Variants in ZNF740 observed in about 807,000 individuals in gnomAD.
ZNF740 encodes zinc finger protein 740, also known as oriLyt TD-element-binding protein 7.
A neutral mutation model predicts 24.8 loss-of-function variants in ZNF740; 14 were observed. That is an observed-to-expected ratio of 0.56 (90% CI 0.37 to 0.88). The LOEUF is 0.88. Among genes scored for constraint, ZNF740 ranks in the 40% least tolerant of loss-of-function variants. ZNF740 has a pLI of 0.00. For synonymous variants in ZNF740, 69 were observed against 84.0 expected, an observed-to-expected ratio of 0.82 and a Z score of 0.98; for missense variants, 201 against 247.9, an observed-to-expected ratio of 0.81 and a Z score of 1.27.
chr12:53,192,671 T>C lies in ZNF740; in HGVS notation c.*5081T>C. 6.2e-7 allele frequency: 1 copy of C among 1,609,740 alleles called. No individual in the cohort carries two copies. Among genetic ancestry groups the C allele is most frequent in the Non-Finnish European group, 8.5e-7 (1 of 1,176,996 alleles). ...CCCCACTGTGCCCCTGCTCCCAAGATGCAAGACCTGAGGCCTCACCGGTGT... is the reference window on the plus strand; with the variant it reads ...CCCCACTGTGCCCCTGCTCCCAAGACGCAAGACCTGAGGCCTCACCGGTGT... On this transcript the variant is annotated 3_prime_UTR_variant, in exon 7 of 7. Transcript: ENST00000416904.
In ZNF740 at chr12:53,192,042, A is replaced by G. The variant is rs1224312086; in HGVS notation, c.*4452A>G. ...CCTCTGTGAACAAGAAACCAGACAC[A>G]CTTGTGGGAGCTGGAGCATAGGGAC... On this transcript the variant is annotated 3_prime_UTR_variant, in exon 7 of 7. Coordinates refer to ENST00000416904, the MANE Select transcript of ZNF740 (RefSeq NM_001004304.4). 7 of 1,606,712 alleles carry G rather than the reference A, an allele frequency of 4.4e-6. No individual in the cohort carries two copies.
chr12:53,185,570 T>C (rs1454425132), intron 4 of ZNF740, 94 bp downstream of exon 4: 1 of 1,190,150 alleles, frequency 8.4e-7, no homozygotes, highest in Non-Finnish European at 1.2e-6. Context: ...GAGCTTTCCC[T>C]AGATGCTTTG....
In ZNF740 at chr12:53,187,634, C is replaced by T. The variant is rs760702864; in HGVS notation, c.*44C>T. 2.5e-5 allele frequency: 37 copies of T among 1,494,614 alleles called. No homozygotes were observed. The Admixed American group carries it at 3.8e-4, about 15-fold the overall frequency. 92.6% of individuals were successfully genotyped at this position (1,494,614 alleles called of 1,614,324 possible). A position where few individuals can be genotyped will look rare whatever the true frequency, so the allele number is the denominator to read the frequency against. On this transcript the variant is annotated 3_prime_UTR_variant, in exon 7 of 7. Coordinates refer to ENST00000416904, the MANE Select transcript of ZNF740 (RefSeq NM_001004304.4). Reference sequence around the variant, plus strand: ...GGTGGGAGTGATCAGAAGAACCTGCCGAAGAGCACACCCCCTCTGGTCTGA... The same window carrying T: ...GGTGGGAGTGATCAGAAGAACCTGCTGAAGAGCACACCCCCTCTGGTCTGA...
chr12:53,181,198 C>T (rs1941611950), intron 1 of ZNF740: 12 of 985,326 alleles, frequency 1.2e-5, no homozygotes, highest in Middle Eastern at 5.2e-4. Context: ...GCCTGCCTGT[C>T]CTCCACCTCC....
Position 53,192,602 on chromosome 12 carries a change from T to C in ZNF740, c.*5012T>C. ...TGTCACCCAATGCCCCTTGCCCAAC[T>C]ACAAGCAGGACGGAGAGTAGGCAGA... On this transcript the variant is annotated 3_prime_UTR_variant, in exon 7 of 7. Transcript: ENST00000416904. The C allele has an allele frequency of 6.3e-7, 1 of 1,599,064 alleles. No homozygotes were observed. The highest frequency in any genetic ancestry group is 8.6e-7 in the Non-Finnish European group (1 of 1,168,584).
chr12:53,184,323 G>A (rs925665943), intron 2 of ZNF740, among the ~76,000 whole-genome samples: 6 of 151,924 alleles, frequency 3.9e-5, no homozygotes, highest in Admixed American at 3.9e-4. Context: ...CGAGTAGCTG[G>A]GACCGCAGGT....
At chr12:53,181,010 C>G (rs943655504) in intron 1 of ZNF740, 173 bp downstream of exon 1, 6 of 858,828 alleles carry the variant, frequency 7.0e-6, no homozygotes, top group Non-Finnish European at 8.8e-6. Context: ...CGCACACCGC[C>G]CCCTGCCCGC....
Position 53,191,756 on chromosome 12 carries a change from G to A in ZNF740, c.*4166G>A. 6.5e-7 allele frequency: 1 copy of A among 1,531,556 alleles called. No individual in the cohort carries two copies. Among genetic ancestry groups the A allele is most frequent in the Non-Finnish European group, 9.0e-7 (1 of 1,107,290 alleles). 94.9% of individuals were successfully genotyped at this position (1,531,556 alleles called of 1,614,324 possible). A position where few individuals can be genotyped will look rare whatever the true frequency, so the allele number is the denominator to read the frequency against. On this transcript the variant is annotated 3_prime_UTR_variant, in exon 7 of 7. Transcript: ENST00000416904. ...GCTGATGGAAGTTAGCAGAGGGGTT[G>A]GTTACATGTGCCAGGGGCTGGGGGA...
rs914289468 is a variant in ZNF740, at chr12:53,194,482, C to G, written c.*6892C>G. 4 of 797,326 alleles carry G rather than the reference C, an allele frequency of 5.0e-6. No individual in the cohort carries two copies. The highest frequency in any genetic ancestry group is 8.0e-6 in the Non-Finnish European group (4 of 499,188). 49.4% of individuals were successfully genotyped at this position (797,326 alleles called of 1,614,324 possible). A position where few individuals can be genotyped will look rare whatever the true frequency, so the allele number is the denominator to read the frequency against. ...TGGGGCTCCTTCCATTCTGCCCAGT[C>G]GAGGCATTTCTGGAGGGAGGACCCG... On this transcript the variant is annotated 3_prime_UTR_variant, in exon 7 of 7. Coordinates refer to ENST00000416904, the MANE Select transcript of ZNF740 (RefSeq NM_001004304.4).
chr12:53,183,061 C>T (rs2121528194), intron 2 of ZNF740, among the ~76,000 whole-genome samples: 1 of 152,316 alleles, frequency 6.6e-6, no homozygotes, highest in East Asian at 1.9e-4. Flanking sequence ...AATTGGCTTT[C>T]CTCCAGCTGC....
At position 53,191,629 on chromosome 12, in the gene ZNF740, TTA is replaced by T; in HGVS notation, c.*4040_*4041del. On this transcript the variant is annotated 3_prime_UTR_variant, in exon 7 of 7. Coordinates refer to ENST00000416904, the MANE Select transcript of ZNF740 (RefSeq NM_001004304.4). Reference sequence around the variant, plus strand: ...CGTGATGGCACTTTTGTAGAGAGGATTACTGTCCTGGAGAAAGATGTTGCAGA... The same window carrying T: ...CGTGATGGCACTTTTGTAGAGAGGATCTGTCCTGGAGAAAGATGTTGCAGA... The T allele has an allele frequency of 6.2e-7, 1 of 1,613,144 alleles. No homozygotes were observed. The highest frequency in any genetic ancestry group is 1.1e-5 in the South Asian group (1 of 91,066).
At chr12:53,183,436 C>T (rs527692362) in intron 2 of ZNF740, among the ~76,000 whole-genome samples, 1 of 152,170 alleles carries the variant, frequency 6.6e-6, no homozygotes, top group South Asian at 2.1e-4. Context: ...TACTGATCAT[C>T]TAAAAGGAAT....
At position 53,194,474 on chromosome 12, in the gene ZNF740, T is replaced by G; in HGVS notation, c.*6884T>G. 1 of 879,308 alleles carries G rather than the reference T, an allele frequency of 1.1e-6. No individual in the cohort carries two copies. The highest frequency in any genetic ancestry group is 1.8e-6 in the Non-Finnish European group (1 of 568,416). 54.5% of individuals were successfully genotyped at this position (879,308 alleles called of 1,614,324 possible). A position where few individuals can be genotyped will look rare whatever the true frequency, so the allele number is the denominator to read the frequency against. ...CTGCCACCTGGGGCTCCTTCCATTCTGCCCAGTCGAGGCATTTCTGGAGGG... is the reference window on the plus strand; with the variant it reads ...CTGCCACCTGGGGCTCCTTCCATTCGGCCCAGTCGAGGCATTTCTGGAGGG... On this transcript the variant is annotated 3_prime_UTR_variant, in exon 7 of 7. Coordinates refer to ENST00000416904, the MANE Select transcript of ZNF740 (RefSeq NM_001004304.4).
rs1223721448 is a variant in ZNF740, at chr12:53,189,147, G to C, written c.*1557G>C. 1 of 152,022 alleles carries C rather than the reference G, an allele frequency of 6.6e-6. No individual in the cohort carries two copies. The highest frequency in any genetic ancestry group is 1.5e-5 in the Non-Finnish European group (1 of 67,986). 9.4% of individuals were successfully genotyped at this position (152,022 alleles called of 1,614,324 possible). On this transcript the variant is annotated 3_prime_UTR_variant, in exon 7 of 7. Coordinates refer to ENST00000416904, the MANE Select transcript of ZNF740 (RefSeq NM_001004304.4). ...TTAAGATGAATTCAACAGCCTGGTG[G>C]TTAGGATGTTTCTAACCCAAGCCAG...
chr12:53,181,288 C>G (rs1025925191), intron 1 of ZNF740: 7 of 985,332 alleles, frequency 7.1e-6, no homozygotes, highest in Non-Finnish European at 7.2e-6. Flanking sequence ...TGCCCGCCAC[C>G]GAAGCACCCA....
rs956876721 is a variant in ZNF740 at position 53,191,204 on chromosome 12, T to C, written c.*3614T>C. The stretch of plus-strand genomic sequence containing the variant: ...CCGGGAGTTTCCTGCACATTCGCGC[T>C]TGGGCACCTCTCCCTGCCCTCAGGT... On this transcript the variant is annotated 3_prime_UTR_variant, in exon 7 of 7. Coordinates refer to ENST00000416904, the MANE Select transcript of ZNF740 (RefSeq NM_001004304.4). The C allele has an allele frequency of 9.7e-6, 3 of 308,028 alleles. No homozygotes were observed. The highest frequency in any genetic ancestry group is 2.1e-5 in the African/African-American group (1 of 46,772). The allele number at this position is 308,028 out of a possible 1,614,324, so 19.1% of individuals were successfully genotyped here.
intron 2 of ZNF740, among the ~76,000 whole-genome samples, chr12:53,184,150 T>TGTGTGTGTGTGTGTGCGTGCGC (rs59250662): frequency 9.6e-6 from 1 of 104,346 alleles, no homozygotes; most frequent in South Asian, 3.0e-4. Flanking sequence ...TGTGTGTGTG[T>TGTGTGTGTGTGTGTGCGTGCGC]GCGCGCGCGC....
At position 53,192,621 on chromosome 12, in the gene ZNF740, A is replaced by G; in HGVS notation, c.*5031A>G. 1.3e-6 allele frequency: 2 copies of G among 1,595,886 alleles called. No homozygotes were observed. The highest frequency in any genetic ancestry group is 2.2e-5 in the South Asian group (2 of 90,668). Reference sequence around the variant, plus strand: ...CCCAACTACAAGCAGGACGGAGAGTAGGCAGATGGGAGTAGCTCAACAAGC... The same window carrying G: ...CCCAACTACAAGCAGGACGGAGAGTGGGCAGATGGGAGTAGCTCAACAAGC... On this transcript the variant is annotated 3_prime_UTR_variant, in exon 7 of 7. Transcript: ENST00000416904.
At position 53,192,865 on chromosome 12, in the gene ZNF740, C is replaced by T. The variant is rs139299757; in HGVS notation, c.*5275C>T. 1.3e-5 allele frequency: 21 copies of T among 1,614,196 alleles called. 1 individual carries two copies. Among genetic ancestry groups the T allele is most frequent in the Middle Eastern group, 1.6e-4 (1 of 6,062 alleles). On this transcript the variant is annotated 3_prime_UTR_variant, in exon 7 of 7. Transcript: ENST00000416904. ...ACTGCATTCGCATGCTCTGCCCGTG[C>T]GGTTGGCATGACAGTGACATACTCC...
Sources: gnomAD v4.1 joint callset for allele counts (sites outside exome capture counted in the v4.1 genomes callset) on GRCh38, gnomAD v4.1.1 for gene constraint, MANE v1.5 for transcripts, NCBI Gene and HGNC (gene_info 2026-07-23, HGNC 2026-07-21) for gene names.